The following TENM3 variants were observed in gnomAD, a reference collection of about 807,000 sequenced individuals.
TENM3 encodes teneurin transmembrane protein 3.
A neutral mutation model predicts 255.1 loss-of-function variants in TENM3; 63 were observed. The observed-to-expected ratio is 0.25, with a 90% CI of 0.20 to 0.30. The LOEUF (loss-of-function observed/expected upper bound fraction) is 0.30. TENM3 is among the 10% of genes least tolerant of loss of function. The pLI is 1.00. For missense variants in TENM3, 2,929 were observed against 3,461.1 expected, an observed-to-expected ratio of 0.85 and a Z score of 3.86; for synonymous variants, 1,306 against 1,322.3, an observed-to-expected ratio of 0.99 and a Z score of 0.27.
intron 1 of TENM3, among the ~76,000 whole-genome samples, chr4:182,254,336 T>G (rs1214769442): frequency 6.6e-6 from 1 of 151,800 alleles, no homozygotes; most frequent in East Asian, 1.9e-4. Flanking sequence ...TCTCTCTCTT[T>G]TTTTTTTTGT....
intron 3 of TENM3, among the ~76,000 whole-genome samples, chr4:182,589,006 G>A (rs1261607545): frequency 1.3e-5 from 2 of 152,136 alleles, no homozygotes; most frequent in African/African-American, 2.4e-5. Flanking sequence ...CAGAAATTCT[G>A]CTATCCAGTA....
chr4:181,562,140 A>G, the TENM3 span, among the ~76,000 whole-genome samples: 4 of 152,130 alleles, frequency 2.6e-5, no homozygotes, highest in Non-Finnish European at 4.4e-5. Context: ...TCCCAGTTTT[A>G]TGTTACTTAA....
At chr4:181,658,247 TG>T in the TENM3 span, among the ~76,000 whole-genome samples, 1 of 152,212 alleles carries the variant, frequency 6.6e-6, no homozygotes, top group Admixed American at 6.5e-5. Context: ...TGTTTGATCA[TG>T]GAGATATTTT....
At chr4:181,653,827 T>C in the TENM3 span, among the ~76,000 whole-genome samples, 1 of 151,344 alleles carries the variant, frequency 6.6e-6, no homozygotes, top group Non-Finnish European at 1.5e-5. Context: ...AAGCCCCACA[T>C]ATATTAGGTA....
At chr4:181,782,927 G>T in the TENM3 span, among the ~76,000 whole-genome samples, 2 of 152,102 alleles carry the variant, frequency 1.3e-5, no homozygotes, top group Non-Finnish European at 1.5e-5. Flanking sequence ...GTAGTTGAGC[G>T]GTTTTGAGTG....
chr4:182,099,244 A>C, the TENM3 span, among the ~76,000 whole-genome samples: 1 of 152,116 alleles, frequency 6.6e-6, no homozygotes, highest in Non-Finnish European at 1.5e-5. Flanking sequence ...GATTACAGGC[A>C]TGAGCCGCCA....
chr4:181,466,856 A>G, the TENM3 span, among the ~76,000 whole-genome samples: 1 of 151,900 alleles, frequency 6.6e-6, no homozygotes, highest in Admixed American at 6.5e-5. Flanking sequence ...TCTTGTAAAA[A>G]TGCTTAACAT....
chr4:181,820,987 T>C, the TENM3 span, among the ~76,000 whole-genome samples: 1 of 152,282 alleles, frequency 6.6e-6, no homozygotes, highest in African/African-American at 2.4e-5. Flanking sequence ...TGCCATGGTG[T>C]TATCTTTATT....
the TENM3 span, among the ~76,000 whole-genome samples, chr4:181,810,802 G>A: frequency 1.9e-4 from 29 of 152,124 alleles, no homozygotes; most frequent in African/African-American, 4.8e-4. Flanking sequence ...CTAAATGAAC[G>A]GTATATGCAA....
chr4:182,023,040 A>G, the TENM3 span, among the ~76,000 whole-genome samples: 3 of 152,322 alleles, frequency 2.0e-5, no homozygotes, highest in South Asian at 6.2e-4. Context: ...TTTCATGTAA[A>G]TTAAGAATAT....
chr4:182,241,934 C>G (rs1757293558), upstream of TENM3, among the ~76,000 whole-genome samples: 3 of 152,026 alleles, frequency 2.0e-5, no homozygotes, highest in Admixed American at 1.3e-4. Context: ...AGCCAGTGGA[C>G]CCTTTTCAGT....
chr4:182,411,420 T>A (rs1022855609), intron 3 of TENM3, among the ~76,000 whole-genome samples: 2 of 152,262 alleles, frequency 1.3e-5, no homozygotes, highest in East Asian at 1.9e-4. Context: ...ACCCAAGAGG[T>A]TCTTAGAAAC....
chr4:181,896,964 T>C, the TENM3 span, among the ~76,000 whole-genome samples: 1 of 152,214 alleles, frequency 6.6e-6, no homozygotes, highest in African/African-American at 2.4e-5. Context: ...CTGGAAGTCA[T>C]CTTTCAGAAA....
chr4:182,660,124 T>C (rs1754102442), intron 6 of TENM3, among the ~76,000 whole-genome samples: 1 of 152,154 alleles, frequency 6.6e-6, no homozygotes, highest in South Asian at 2.1e-4. Context: ...TTGAAAAATG[T>C]TTATGGTTGT....
At chr4:181,948,640 A>T in the TENM3 span, among the ~76,000 whole-genome samples, 1 of 151,716 alleles carries the variant, frequency 6.6e-6, no homozygotes, top group Non-Finnish European at 1.5e-5. Context: ...CTGATCTCGA[A>T]CTCCTGACCT....
chr4:182,511,697 A>C (rs1261902435), intron 3 of TENM3, among the ~76,000 whole-genome samples: 1 of 152,154 alleles, frequency 6.6e-6, no homozygotes. Context: ...GCATTTGTAA[A>C]TGTGAAGAAA....
intron 2 of TENM3, among the ~76,000 whole-genome samples, chr4:182,325,771 C>G (rs1763359262): frequency 6.6e-6 from 1 of 152,128 alleles, no homozygotes; most frequent in Non-Finnish European, 1.5e-5. Context: ...TAAAAAAACC[C>G]AAACTCCACA....
At chr4:182,402,660 G>A (rs7694113) in intron 3 of TENM3, among the ~76,000 whole-genome samples, 12,209 of 152,040 alleles carry the variant, frequency 0.08, 695 homozygotes, top group Non-Finnish European at 0.12. Context: ...TTTTTATGTG[G>A]GTAAAGCTTC....
chr4:181,955,442 G>A, the TENM3 span, among the ~76,000 whole-genome samples: 1 of 152,186 alleles, frequency 6.6e-6, no homozygotes, highest in Non-Finnish European at 1.5e-5. Flanking sequence ...CCAGGAAAAT[G>A]TCTGGAAGAC....
Sources: allele counts gnomAD v4.1 joint callset (sites outside exome capture counted in the v4.1 genomes callset), GRCh38; gene constraint gnomAD v4.1.1; transcripts MANE v1.5; gene names NCBI Gene and HGNC (gene_info 2026-07-23, HGNC 2026-07-21).